Variants in ASIP observed in about 807,000 individuals in gnomAD.
ASIP encodes agouti-signaling protein.
ASIP carries 11 observed loss-of-function variants against 10.3 expected under a neutral mutation model. The ratio of observed to expected loss-of-function variants is 1.07; its 90% CI spans 0.68 to 1.78. The LOEUF (loss-of-function observed/expected upper bound fraction) is 1.78. Ranked by LOEUF, ASIP falls within the 40% of genes most tolerant of loss-of-function variation. The probability of loss-of-function intolerance (pLI) is 0.00; values close to 1 mark genes in which losing one functional copy is unlikely to be tolerated. For synonymous variants in ASIP, 70 were observed against 70.8 expected, an observed-to-expected ratio of 0.99 and a Z score of 0.06; for missense variants, 180 against 169.2, an observed-to-expected ratio of 1.06 and a Z score of -0.35.
At chr20:34,254,960 G>A (rs970691658) in intron 1 of ASIP, among the ~76,000 whole-genome samples, 1 of 152,110 alleles carries the variant, frequency 6.6e-6, no homozygotes, top group Non-Finnish European at 1.5e-5. Flanking sequence ...TGTTTTGCCG[G>A]GGGTTGGTCT....
chr20:34,255,938 T>C (rs2035560623), intron 1 of ASIP, among the ~76,000 whole-genome samples: 1 of 152,134 alleles, frequency 6.6e-6, no homozygotes, highest in Non-Finnish European at 1.5e-5. Context: ...CCACCACCTC[T>C]TGTGGAAGGC....
chr20:34,258,887 TTATATATATAGTGTA>T (rs1353872548), intron 1 of ASIP, among the ~76,000 whole-genome samples: 6 of 130,604 alleles, frequency 4.6e-5, no homozygotes, highest in Non-Finnish European at 6.3e-5. Context: ...ATATATAGTA[TTATATATATAGTGTA>T]TATATATATA....
chr20:34,223,744 C>T (rs2035072344), intron 1 of ASIP, among the ~76,000 whole-genome samples: 1 of 139,396 alleles, frequency 7.2e-6, no homozygotes, highest in African/African-American at 2.7e-5. Flanking sequence ...GAGAACGGGC[C>T]AGGATGACAA....
chr20:34,247,172 A>T (rs1486848919), intron 1 of ASIP, among the ~76,000 whole-genome samples: 1 of 151,498 alleles, frequency 6.6e-6, no homozygotes, highest in Non-Finnish European at 1.5e-5. Flanking sequence ...TTAACATTGT[A>T]TATGCCTCTC....
At chr20:34,260,150 C>T (rs1410141108) in intron 1 of ASIP, among the ~76,000 whole-genome samples, 1 of 151,998 alleles carries the variant, frequency 6.6e-6, no homozygotes, top group Non-Finnish European at 1.5e-5. Flanking sequence ...TCCTTCTGTT[C>T]CTTGTCTTTC....
intron 3 of ASIP, among the ~76,000 whole-genome samples, chr20:34,265,175 G>A (rs1455999640): frequency 6.6e-6 from 1 of 152,076 alleles, no homozygotes; most frequent in Non-Finnish European, 1.5e-5. Flanking sequence ...TTATCAGTAA[G>A]GCTTCCTTCT....
At chr20:34,208,545 G>A (rs2034952746) in intron 1 of ASIP, among the ~76,000 whole-genome samples, 1 of 152,058 alleles carries the variant, frequency 6.6e-6, no homozygotes, top group African/African-American at 2.4e-5. Flanking sequence ...TGAAGAGACA[G>A]GGTCTTACTG....
At chr20:34,227,052 AC>A (rs919013263) in intron 1 of ASIP, among the ~76,000 whole-genome samples, 2 of 152,168 alleles carry the variant, frequency 1.3e-5, no homozygotes, top group African/African-American at 4.8e-5. Flanking sequence ...AAACAGTAAA[AC>A]TATTTATTTG....
rs1376267614 is a variant in ASIP, at chr20:34,246,332, T to C, written c.-11+4843T>C. 16 of 1,547,840 alleles carry C rather than the reference T, an allele frequency of 1.0e-5. No individual in the cohort carries two copies. In the East Asian group the frequency reaches 2.9e-4, roughly 28 times the overall value. On this transcript the variant is annotated intron_variant, in intron 1 of 3. Coordinates refer to ENST00000374954, the MANE Select transcript of ASIP (RefSeq NM_001672.3). ...TCCAGCTTCTTGTTTGGGTGAATTT[T>C]CTACAGTAAATTTTGCAAGTTCATT...
At chr20:34,219,474 C>T (rs2035031026) in intron 1 of ASIP, among the ~76,000 whole-genome samples, 1 of 152,116 alleles carries the variant, frequency 6.6e-6, no homozygotes. Flanking sequence ...CTGCCTGGCT[C>T]CAAAACTTAT....
the ASIP span, among the ~76,000 whole-genome samples, chr20:34,188,861 T>C: frequency 6.6e-6 from 1 of 152,154 alleles, no homozygotes; most frequent in Non-Finnish European, 1.5e-5. Flanking sequence ...TGTGACCCAT[T>C]CCTGCCCTCT....
At chr20:34,191,717 C>CCT (rs1338494958), upstream of ASIP, among the ~76,000 whole-genome samples, 13 of 148,674 alleles carry the variant, frequency 8.7e-5, no homozygotes, top group South Asian at 2.1e-4. Flanking sequence ...TTCCTTCCTT[C>CCT]CTCTCTCTCT....
chr20:34,203,945 C>T (rs1402572677), intron 1 of ASIP, among the ~76,000 whole-genome samples: 2 of 151,984 alleles, frequency 1.3e-5, no homozygotes, highest in African/African-American at 2.4e-5. Flanking sequence ...AGGCTGGTCT[C>T]GAACTCCTGA....
chr20:34,261,905 G>A (rs1361010592), intron 2 of ASIP, among the ~76,000 whole-genome samples: 1 of 152,266 alleles, frequency 6.6e-6, no homozygotes, highest in South Asian at 2.1e-4. Flanking sequence ...CTGAGGTCAA[G>A]AGTTTGAGAC....
chr20:34,221,577 G>A lies in ASIP; in HGVS notation c.-11+26817G>A, dbSNP rs138550982. ...CATATGTAGCATAGTTAGAAGTAAAGTCTAATAAGCAAAATGGGATAGGTT... is the reference window on the plus strand; with the variant it reads ...CATATGTAGCATAGTTAGAAGTAAAATCTAATAAGCAAAATGGGATAGGTT... On this transcript the variant is annotated intron_variant, in intron 1 of 3. Coordinates refer to the ASIP transcript ENST00000568305. Among the ~76,000 whole-genome samples, 280 of 152,224 alleles carry A rather than the reference G, an allele frequency of 1.8e-3. 1 individual carries two copies. Among genetic ancestry groups the A allele is most frequent in the African/African-American group, 6.4e-3 (264 of 41,544 alleles).
intron 1 of ASIP, among the ~76,000 whole-genome samples, chr20:34,220,453 G>T (rs572230686): frequency 6.6e-6 from 1 of 152,094 alleles, no homozygotes; most frequent in Non-Finnish European, 1.5e-5. Flanking sequence ...AAAATTAGCC[G>T]GGTGTGGTGC....
rs73902158 is a variant in ASIP at position 34,195,216 on chromosome 20, T to C, written c.-11+456T>C. ...GAGCTGTAGGAATGCAGAACCCTAC[T>C]GAGCTGCTCCTCATGGAAGGAGCAG... On this transcript the variant is annotated intron_variant, in intron 1 of 3. Coordinates refer to the ASIP transcript ENST00000568305. 2.3e-3 allele frequency among the ~76,000 whole-genome samples: 348 copies of C among 151,786 alleles called. 4 individuals are homozygous for C. The highest frequency in any genetic ancestry group is 8.2e-3 in the African/African-American group (338 of 41,338).
chr20:34,246,249 C>T (rs2035373315), intron 1 of ASIP: 2 of 1,535,110 alleles, frequency 1.3e-6, no homozygotes, highest in South Asian at 1.2e-5. Flanking sequence ...CCTCTTCCAC[C>T]TCTCTTCTGT....
intron 1 of ASIP, among the ~76,000 whole-genome samples, chr20:34,256,053 G>A (rs2035563119): frequency 6.6e-6 from 1 of 152,190 alleles, no homozygotes; most frequent in Admixed American, 6.5e-5. Flanking sequence ...GTTCCACCCC[G>A]TACACCTGGC....
Sources: allele counts gnomAD v4.1 joint callset (sites outside exome capture counted in the v4.1 genomes callset), GRCh38; gene constraint gnomAD v4.1.1; transcripts MANE v1.5; gene names NCBI Gene and HGNC (gene_info 2026-07-23, HGNC 2026-07-21).